PDZD9: variants seen among roughly 807,000 people sequenced by gnomAD.
PDZD9 encodes the protein PDZ domain containing 9, also known as PDZ domain-containing protein 9.
PDZD9 carries 13 observed loss-of-function variants against 16.3 expected under a neutral mutation model. The ratio of observed to expected loss-of-function variants is 0.80; its 90% CI spans 0.52 to 1.27. PDZD9 has a LOEUF of 1.27. PDZD9 is among the 50% of genes most tolerant of loss of function. The pLI is 0.00. For missense variants in PDZD9, 288 were observed against 310.9 expected (o/e 0.93, Z 0.55); for synonymous variants, 120 against 111.0 (o/e 1.08, Z -0.51).
At chr16:21,982,062 G>A (rs192170685), downstream of PDZD9, among the ~76,000 whole-genome samples, 633 of 151,872 alleles carry the variant, frequency 4.2e-3, 2 homozygotes, top group Non-Finnish European at 7.2e-3. Flanking sequence ...GGATGGTCTC[G>A]ATCTCCTGAC....
At chr16:21,972,139 G>T in the PDZD9 span, 1 of 1,606,188 alleles carries the variant, frequency 6.2e-7, no homozygotes, top group Admixed American at 1.7e-5. Flanking sequence ...CTGAACAGTT[G>T]GTATCTCTCT....
chr16:21,962,239 C>A, the PDZD9 span: 2 of 557,916 alleles, frequency 3.6e-6, no homozygotes, highest in Admixed American at 6.1e-5. Context: ...TGTGTTGTAA[C>A]ATGTGACCAG....
Position 21,984,198 on chromosome 16 carries a change from A to C in PDZD9, c.*69T>G. 1 of 1,512,166 alleles carries C rather than the reference A, an allele frequency of 6.6e-7. No individual in the cohort carries two copies. Among genetic ancestry groups the C allele is most frequent in the African/African-American group, 1.4e-5 (1 of 72,186 alleles). The allele number at this position is 1,512,166 out of a possible 1,614,324, so 93.7% of individuals were successfully genotyped here. A position where few individuals can be genotyped will look rare whatever the true frequency, so the allele number is the denominator to read the frequency against. On this transcript the variant is annotated 3_prime_UTR_variant, in exon 4 of 4. Coordinates refer to ENST00000424898, the MANE Select transcript of PDZD9 (RefSeq NM_001363519.1). Reference sequence around the variant, plus strand: ...ACAGACAGTCCTTGATAAGTACAGCAAACTTGTGCCTGGTGAGGCACAAAA... The same window carrying C: ...ACAGACAGTCCTTGATAAGTACAGCCAACTTGTGCCTGGTGAGGCACAAAA...
the PDZD9 span, among the ~76,000 whole-genome samples, chr16:21,969,166 A>G: frequency 6.6e-6 from 1 of 152,216 alleles, no homozygotes; most frequent in Non-Finnish European, 1.5e-5. Context: ...GTATGGAGAA[A>G]TAGGCACTCT....
At chr16:22,000,860 TGATGATGA>T (rs930766861) in intron 1 of PDZD9, among the ~76,000 whole-genome samples, 149 bp downstream of exon 1, 2 of 151,368 alleles carry the variant, frequency 1.3e-5, no homozygotes, top group African/African-American at 2.4e-5. Context: ...ATGATGATGA[TGATGATGA>T]TGATGATAAT....
chr16:21,978,859 T>C, the PDZD9 span, among the ~76,000 whole-genome samples: 1 of 152,132 alleles, frequency 6.6e-6, no homozygotes, highest in Non-Finnish European at 1.5e-5. Context: ...GCTTGACTAC[T>C]TCACCCTTGG....
chr16:21,974,071 G>A, the PDZD9 span: 1 of 1,110,968 alleles, frequency 9.0e-7, no homozygotes, highest in Non-Finnish European at 1.3e-6. Flanking sequence ...ATGTTTGAAT[G>A]CAGTGCAATG....
the PDZD9 span, among the ~76,000 whole-genome samples, chr16:21,965,907 C>G: frequency 1.3e-5 from 2 of 152,078 alleles, no homozygotes; most frequent in South Asian, 4.1e-4. Flanking sequence ...TGGTCTTGAA[C>G]TCTTAAGCTC....
chr16:21,968,803 C>A, the PDZD9 span: 1 of 763,798 alleles, frequency 1.3e-6, no homozygotes, highest in Non-Finnish European at 2.0e-6. Context: ...CTATTTATGT[C>A]AGACAGGCAA....
chr16:21,985,266 G>A (rs1433221390), intron 3 of PDZD9, among the ~76,000 whole-genome samples: 1 of 152,026 alleles, frequency 6.6e-6, no homozygotes, highest in African/African-American at 2.4e-5. Context: ...AGGTGTGTAT[G>A]CTGTATGCCA....
chr16:21,971,404 C>G, the PDZD9 span: 2,503 of 770,688 alleles, frequency 3.2e-3, 81 homozygotes, highest in East Asian at 0.059. Flanking sequence ...GGCAGGAAGA[C>G]TCTTATTTAT....
At position 21,984,026 on chromosome 16, in the gene PDZD9, G is replaced by A; in HGVS notation, c.*241C>T. The A allele has an allele frequency of 2.8e-6, 1 of 358,804 alleles. No homozygotes were observed. Among genetic ancestry groups the A allele is most frequent in the Non-Finnish European group, 5.0e-6 (1 of 199,450 alleles). 22.2% of individuals were successfully genotyped at this position (358,804 alleles called of 1,614,324 possible). On this transcript the variant is annotated 3_prime_UTR_variant, in exon 4 of 4. Transcript: ENST00000424898. ...TCTCTACGGCATTTTCTAAAAGAAA[G>A]AAATTCTTCTCAAAAAGGAGGGTCT...
the PDZD9 span, among the ~76,000 whole-genome samples, chr16:21,967,712 C>A: frequency 6.6e-6 from 1 of 152,044 alleles, no homozygotes; most frequent in East Asian, 1.9e-4. Flanking sequence ...GGGACAGTGA[C>A]CGTTTTTGTT....
the PDZD9 span, among the ~76,000 whole-genome samples, chr16:21,957,844 C>A: frequency 6.6e-6 from 1 of 152,218 alleles, no homozygotes; most frequent in East Asian, 1.9e-4. Flanking sequence ...CTGTTCCTAG[C>A]TTCCAGCAGT....
At chr16:21,994,689 T>C (rs1404156256) in intron 2 of PDZD9, among the ~76,000 whole-genome samples, 1 of 152,212 alleles carries the variant, frequency 6.6e-6, no homozygotes, top group East Asian at 1.9e-4. Flanking sequence ...TTAGCAATGC[T>C]TAATACTGCC....
chr16:22,000,696 C>T (rs1899272719), intron 1 of PDZD9, among the ~76,000 whole-genome samples: 1 of 151,990 alleles, frequency 6.6e-6, no homozygotes, highest in Non-Finnish European at 1.5e-5. Context: ...TGGTGGCAGG[C>T]ACCTGTAATC....
intron 2 of PDZD9, among the ~76,000 whole-genome samples, chr16:21,996,036 C>T (rs1899141083): frequency 6.6e-6 from 1 of 152,166 alleles, no homozygotes; most frequent in African/African-American, 2.4e-5. Context: ...AGGATCCACC[C>T]ACCTCAGCCT....
intron 3 of PDZD9, 109 bp downstream of exon 3, chr16:21,988,493 C>T (rs1898937270): frequency 2.2e-6 from 2 of 907,772 alleles, no homozygotes; most frequent in African/African-American, 1.7e-5. Context: ...GTCACCAGTC[C>T]TCCTGTCATG....
At chr16:21,973,773 G>A in the PDZD9 span, 1 of 794,324 alleles carries the variant, frequency 1.3e-6, no homozygotes, top group Admixed American at 2.8e-5. Context: ...AACTGGCTAA[G>A]TAAAATATTA....
Sources: allele counts gnomAD v4.1 joint callset (sites outside exome capture counted in the v4.1 genomes callset), GRCh38; gene constraint gnomAD v4.1.1; transcripts MANE v1.5; gene names NCBI Gene and HGNC (gene_info 2026-07-23, HGNC 2026-07-21).